The following DCPS variants were observed in gnomAD, a reference collection of about 807,000 sequenced individuals.
DCPS encodes decapping enzyme, scavenger, also known as m7GpppX diphosphatase.
A neutral mutation model predicts 34.7 loss-of-function variants in DCPS; 27 were observed. The ratio of observed to expected loss-of-function variants is 0.78; its 90% CI spans 0.57 to 1.07. The LOEUF is 1.07. Ranked by LOEUF, DCPS falls within the 50% of genes least tolerant of loss-of-function variation. DCPS has a pLI of 0.00. For synonymous variants in DCPS, 185 were observed against 185.7 expected (o/e 1.00, Z 0.03); for missense variants, 464 against 436.9 (o/e 1.06, Z -0.55).
At position 126,304,184 on chromosome 11, in the gene DCPS, G is replaced by T; in HGVS notation, c.104G>T (p.Gly35Val). Residue 35 changes from glycine to valine, a missense_variant, in exon 1 of 6, where the codon GGT becomes GTT. Gly to Val is a moderately radical substitution (Grantham distance 109). Transcript: ENST00000263579. ...GAAAAGGAGGCAGGAGTTGGAAATGGTACCTGTGCTCCTGTCCGCTTACCG... is the reference window on the plus strand; with the variant it reads ...GAAAAGGAGGCAGGAGTTGGAAATGTTACCTGTGCTCCTGTCCGCTTACCG... ...TEEKEAGVGN[G>V]TCAPVRLPFS... 6.2e-7 allele frequency: 1 copy of T among 1,614,256 alleles called. No homozygotes were observed. Among genetic ancestry groups the T allele is most frequent in the Non-Finnish European group, 8.5e-7 (1 of 1,180,050 alleles).
rs1194084130 is a variant in DCPS at position 126,334,101 on chromosome 11, G to C, written c.522+2551G>C. Among the ~76,000 whole-genome samples, 1 of 152,122 alleles carries C rather than the reference G, an allele frequency of 6.6e-6. No homozygotes were observed. Among genetic ancestry groups the C allele is most frequent in the Non-Finnish European group, 1.5e-5 (1 of 68,022 alleles). On this transcript the variant is annotated intron_variant, in intron 3 of 5. Transcript: ENST00000263579. This position sits in a 1 kb window ranked among gnomAD's most constrained non-coding sequence, Gnocchi z 5.5. ...GGAAGGATTCTGGAGCAATTTAAGA[G>C]GTAGGTCTTCACAGGGCTGGATGGG... is the stretch of plus-strand genomic sequence containing the variant.
chr11:126,328,636 C>T lies in DCPS; in HGVS notation c.377-2769C>T, dbSNP rs1238158453. On this transcript the variant is annotated intron_variant, in intron 2 of 5. Coordinates refer to ENST00000263579, the MANE Select transcript of DCPS (RefSeq NM_014026.6). This position sits in a 1 kb window ranked among gnomAD's most constrained non-coding sequence, Gnocchi z 6.6. ...GGGTGGCTTTCTGATCTGGAGCAGC[C>T]AGGAGCCCCAGGCTGGGAGCCCGGC... Among the ~76,000 whole-genome samples the T allele has an allele frequency of 6.6e-6, 1 of 152,112 alleles. No homozygotes were observed. The highest frequency in any genetic ancestry group is 1.5e-5 in the Non-Finnish European group (1 of 68,004).
rs1452776681 is a variant in DCPS at position 126,333,985 on chromosome 11, T to C, written c.522+2435T>C. On this transcript the variant is annotated intron_variant, in intron 3 of 5. Coordinates refer to ENST00000263579, the MANE Select transcript of DCPS (RefSeq NM_014026.6). The surrounding 1 kb of genome is among the most constrained non-coding windows in gnomAD (Gnocchi z 5.7). The stretch of plus-strand genomic sequence containing the variant: ...TAAGCATGTGGATGATATGGCCCGA[T>C]TTGCAGAATTAATTGGTGGAGTGGG... 6.6e-6 allele frequency among the ~76,000 whole-genome samples: 1 copy of C among 152,058 alleles called. No individual in the cohort carries two copies. Among genetic ancestry groups the C allele is most frequent in the Admixed American group, 6.5e-5 (1 of 15,280 alleles).
At chr11:126,317,704 A>G (rs2135316467) in intron 2 of DCPS, among the ~76,000 whole-genome samples, 1 of 152,336 alleles carries the variant, frequency 6.6e-6, no homozygotes, top group South Asian at 2.1e-4. Context: ...GAGAGAGGCC[A>G]TATTTTGGAG....
At chr11:126,306,905 G>C (rs1367868724) in intron 2 of DCPS, among the ~76,000 whole-genome samples, 161 bp downstream of exon 2, 1 of 152,086 alleles carries the variant, frequency 6.6e-6, no homozygotes, top group Non-Finnish European at 1.5e-5. Context: ...AGACATTTTT[G>C]ATTGTCAGAA....
rs1454338998 is a variant in DCPS, at chr11:126,333,567, G to C, written c.522+2017G>C. On this transcript the variant is annotated intron_variant, in intron 3 of 5. Transcript: ENST00000263579. This position sits in a 1 kb window ranked among gnomAD's most constrained non-coding sequence, Gnocchi z 5.7. ...TTACAGGACAAATAGAAGTTTACCA[G>C]GTGCACAAGGGGAGGGAGGAGCAAG... 6.6e-6 allele frequency among the ~76,000 whole-genome samples: 1 copy of C among 152,216 alleles called. No individual in the cohort carries two copies. The highest frequency in any genetic ancestry group is 2.4e-5 in the African/African-American group (1 of 41,452).
rs1045210621 is a variant in DCPS at position 126,327,388 on chromosome 11, C to T, written c.377-4017C>T. On this transcript the variant is annotated intron_variant, in intron 2 of 5. Transcript: ENST00000263579. The surrounding 1 kb of genome is among the most constrained non-coding windows in gnomAD (Gnocchi z 4.1). The stretch of plus-strand genomic sequence containing the variant: ...AGGAGGCACATGATGTCGGCGTGCC[C>T]AGCAGGGGTGACGGTGACGCCCATG... Among the ~76,000 whole-genome samples the T allele has an allele frequency of 6.6e-6, 1 of 152,216 alleles. No individual in the cohort carries two copies. The highest frequency in any genetic ancestry group is 1.5e-5 in the Non-Finnish European group (1 of 68,038).
At chr11:126,306,330 G>A (rs909963916) in intron 1 of DCPS, among the ~76,000 whole-genome samples, 2 of 151,702 alleles carry the variant, frequency 1.3e-5, no homozygotes, top group South Asian at 2.1e-4. Flanking sequence ...CCAAGATCGC[G>A]CCATTGCACT....
chr11:126,312,147 T>C lies in DCPS; in HGVS notation c.376+5403T>C, dbSNP rs1254459953. ...GGTTTCACCACATTGGCCAGGCTAGTCTCGGACTCCTGACCTCAGGTGATC... is the reference window on the plus strand; with the variant it reads ...GGTTTCACCACATTGGCCAGGCTAGCCTCGGACTCCTGACCTCAGGTGATC... On this transcript the variant is annotated intron_variant, in intron 2 of 5. Coordinates refer to ENST00000263579, the MANE Select transcript of DCPS (RefSeq NM_014026.6). This position sits in a 1 kb window ranked among gnomAD's most constrained non-coding sequence, Gnocchi z 5.1. Among the ~76,000 whole-genome samples, 1 of 151,942 alleles carries C rather than the reference T, an allele frequency of 6.6e-6. No individual in the cohort carries two copies. The highest frequency in any genetic ancestry group is 2.4e-5 in the African/African-American group (1 of 41,366).
chr11:126,346,411 C>A lies in DCPS; in HGVS notation c.*798C>A, dbSNP rs184148272. Among the ~76,000 whole-genome samples the A allele has an allele frequency of 1.3e-5, 2 of 152,320 alleles. No individual in the cohort carries two copies. The highest frequency in any genetic ancestry group is 3.9e-4 in the East Asian group (2 of 5,184). On this transcript the variant is annotated 3_prime_UTR_variant, in exon 6 of 6. Coordinates refer to ENST00000263579, the MANE Select transcript of DCPS (RefSeq NM_014026.6). This position sits in a 1 kb window ranked among gnomAD's most constrained non-coding sequence, Gnocchi z 4.1. ...TGAATACAAAAGCCCGGAGGCGGCT[C>A]GGGTTCAAGGCCTATCAGAGGCAGA...
Position 126,338,202 on chromosome 11 carries a change from A to G in DCPS, c.523-84A>G, listed in dbSNP as rs1951847935. The G allele has an allele frequency of 3.8e-6, 5 of 1,311,622 alleles. No homozygotes were observed. The highest frequency in any genetic ancestry group is 4.3e-6 in the Non-Finnish European group (4 of 920,422). 81.2% of individuals were successfully genotyped at this position (1,311,622 alleles called of 1,614,324 possible). On this transcript the variant is annotated intron_variant, in intron 3 of 5. Transcript: ENST00000263579. This position sits in a 1 kb window ranked among gnomAD's most constrained non-coding sequence, Gnocchi z 5.4. ...CTTGGTTCTGTCTCCTGGAGAGGCC[A>G]GGGAATGCCCTGAGCTCAGTTTGGG...
Position 126,346,862 on chromosome 11 carries a change from C to T in DCPS, c.*1249C>T, listed in dbSNP as rs1320274224. On this transcript the variant is annotated 3_prime_UTR_variant, in exon 6 of 6. Transcript: ENST00000263579. This position sits in a 1 kb window ranked among gnomAD's most constrained non-coding sequence, Gnocchi z 4.1. ...GGTCTCAGGGCCTGCTGTGGACCCC[C>T]ATGGTCCTGGGAGAGACTCCTTAGA... Among the ~76,000 whole-genome samples, 1 of 152,108 alleles carries T rather than the reference C, an allele frequency of 6.6e-6. No homozygotes were observed. The highest frequency in any genetic ancestry group is 1.9e-4 in the East Asian group (1 of 5,170).
chr11:126,340,238 T>C (rs1219662383), intron 4 of DCPS, among the ~76,000 whole-genome samples: 1 of 152,154 alleles, frequency 6.6e-6, no homozygotes, highest in African/African-American at 2.4e-5. Context: ...GAATTACTTG[T>C]CCTCAAGGGT....
chr11:126,330,762 G>A (rs1287993697), intron 2 of DCPS, among the ~76,000 whole-genome samples: 1 of 79,354 alleles, frequency 1.3e-5, no homozygotes, highest in Non-Finnish European at 2.3e-5. Flanking sequence ...TTGAGATAGA[G>A]TTTCACTCTT....
At chr11:126,305,220 C>T (rs1268168265) in intron 1 of DCPS, among the ~76,000 whole-genome samples, 1 of 152,102 alleles carries the variant, frequency 6.6e-6, no homozygotes, top group Non-Finnish European at 1.5e-5. Flanking sequence ...TCAAGCTATT[C>T]TACCTGCCTC....
chr11:126,340,525 C>T (rs549279191), intron 4 of DCPS, among the ~76,000 whole-genome samples: 1 of 152,232 alleles, frequency 6.6e-6, no homozygotes, highest in African/African-American at 2.4e-5. Context: ...TGTATTTTAG[C>T]GTCTCAAATC....
intron 2 of DCPS, among the ~76,000 whole-genome samples, chr11:126,330,232 C>G (rs1169533010): frequency 6.6e-6 from 1 of 152,062 alleles, no homozygotes; most frequent in East Asian, 1.9e-4. Flanking sequence ...TTTGGGTTGT[C>G]ACAACTTGGG....
In DCPS at chr11:126,323,070, C is replaced by A. The variant is rs1490060885; in HGVS notation, c.377-8335C>A. On this transcript the variant is annotated intron_variant, in intron 2 of 5. Transcript: ENST00000263579. This position sits in a 1 kb window ranked among gnomAD's most constrained non-coding sequence, Gnocchi z 4.4. ...TCGAACTCCTGGGCTCAATAGATTT[C>A]CCCCCTGTTTCAGCCTCCCAAAGTG... Among the ~76,000 whole-genome samples the A allele has an allele frequency of 6.6e-6, 1 of 150,480 alleles. No homozygotes were observed. Among genetic ancestry groups the A allele is most frequent in the Non-Finnish European group, 1.5e-5 (1 of 67,978 alleles).
intron 2 of DCPS, among the ~76,000 whole-genome samples, 173 bp downstream of exon 2, chr11:126,306,917 C>T (rs972760312): frequency 4.6e-5 from 7 of 151,770 alleles, no homozygotes; most frequent in Admixed American, 2.0e-4. Flanking sequence ...TTGTCAGAAT[C>T]GGGGGTGGTG....
Sources: gnomAD v4.1 joint callset for allele counts (sites outside exome capture counted in the v4.1 genomes callset) on GRCh38, gnomAD v4.1.1 for gene constraint, Gnocchi (gnomAD v3.1) non-coding constraint, MANE v1.5 for transcripts, NCBI Gene and HGNC (gene_info 2026-07-23, HGNC 2026-07-21) for gene names.